PARD3: variants seen among roughly 807,000 people sequenced by gnomAD.
PARD3 encodes par-3 family cell polarity regulator, also known as partitioning defective 3 homolog.
Under a neutral mutation model 155.4 loss-of-function variants are expected in PARD3, and 75 were observed. The ratio of observed to expected loss-of-function variants is 0.48; its 90% CI spans 0.40 to 0.58. The LOEUF is 0.58. Ranked by LOEUF, PARD3 falls within the 20% of genes least tolerant of loss-of-function variation. The probability of loss-of-function intolerance (pLI) is 0.00; values close to 1 mark genes in which losing one functional copy is unlikely to be tolerated. For missense variants in PARD3, 1,642 were observed against 1,721.7 expected (o/e 0.95, Z 0.82); for synonymous variants, 576 against 610.5 (o/e 0.94, Z 0.83).
intron 14 of PARD3, among the ~76,000 whole-genome samples, chr10:34,355,692 G>C (rs1838725091): frequency 6.6e-6 from 1 of 152,008 alleles, no homozygotes; most frequent in Non-Finnish European, 1.5e-5. Context: ...ACTTTGGGAG[G>C]CCAATGTGGG....
At chr10:34,599,040 A>G (rs1054146438) in intron 2 of PARD3, among the ~76,000 whole-genome samples, 2 of 151,978 alleles carry the variant, frequency 1.3e-5, no homozygotes, top group Admixed American at 1.3e-4. Flanking sequence ...AACTGACCCA[A>G]TCAACACAAG....
At chr10:34,416,087 G>A (rs1311058228) in intron 5 of PARD3, among the ~76,000 whole-genome samples, 1 of 152,108 alleles carries the variant, frequency 6.6e-6, no homozygotes, top group Non-Finnish European at 1.5e-5. Flanking sequence ...ATCAATCCAC[G>A]AAGTCTACGT....
chr10:34,810,871 G>A (rs7342064), intron 1 of PARD3, among the ~76,000 whole-genome samples: 48,970 of 151,862 alleles, frequency 0.32, 8,365 homozygotes, highest in African/African-American at 0.44. Flanking sequence ...ATGGGGCTCC[G>A]TAGGGTTGGT....
chr10:34,574,360 C>G (rs1353633373), intron 2 of PARD3, among the ~76,000 whole-genome samples: 1 of 152,198 alleles, frequency 6.6e-6, no homozygotes, highest in Non-Finnish European at 1.5e-5. Context: ...GCATTCTGAT[C>G]TGACCATCAC....
chr10:34,583,663 C>G (rs12260304), intron 2 of PARD3, among the ~76,000 whole-genome samples: 5 of 152,174 alleles, frequency 3.3e-5, no homozygotes, highest in African/African-American at 1.2e-4. Context: ...AATGAGGAAA[C>G]CTTATCTTCC....
In PARD3 at chr10:34,733,458, AC is replaced by A. The variant is rs368316978; in HGVS notation, c.121-37040del. On this transcript the variant is annotated intron_variant, in intron 1 of 24. Transcript: ENST00000374788. ...AAGAAAAATTATTCAGCTTAAAAAA[AC>A]AACTAGTGACAAACATGATTAGAGT... is the stretch of plus-strand genomic sequence containing the variant. Among the ~76,000 whole-genome samples, 278 of 152,332 alleles carry A rather than the reference AC, an allele frequency of 1.8e-3. 2 individuals are homozygous for A. The highest frequency in any genetic ancestry group is 0.017 in the Middle Eastern group (5 of 294).
At chr10:34,585,527 CT>C (rs371759278) in intron 2 of PARD3, among the ~76,000 whole-genome samples, 103 of 145,232 alleles carry the variant, frequency 7.1e-4, no homozygotes, top group African/African-American at 2.1e-3. Flanking sequence ...TCTAATTTTT[CT>C]TTTTTTTTCT....
chr10:34,528,748 C>A (rs2082641295), intron 2 of PARD3, among the ~76,000 whole-genome samples: 1 of 152,136 alleles, frequency 6.6e-6, no homozygotes, highest in Admixed American at 6.5e-5. Flanking sequence ...CATTAACACA[C>A]AGCAGTTTAA....
intron 22 of PARD3, among the ~76,000 whole-genome samples, chr10:34,267,855 C>T (rs1955402889): frequency 6.6e-6 from 1 of 152,094 alleles, no homozygotes; most frequent in Admixed American, 6.6e-5. Flanking sequence ...CCTACTGAAT[C>T]AAAATTTGGG....
At chr10:34,808,841 G>A (rs184935295) in intron 1 of PARD3, among the ~76,000 whole-genome samples, 8 of 150,422 alleles carry the variant, frequency 5.3e-5, no homozygotes, top group African/African-American at 1.8e-4. Context: ...CTTCACATCC[G>A]CCAGATTCTC....
intron 22 of PARD3, among the ~76,000 whole-genome samples, chr10:34,190,212 C>T (rs1950647010): frequency 6.6e-6 from 1 of 152,166 alleles, no homozygotes. Flanking sequence ...AGAAAAATAT[C>T]TGCAATTAGA....
chr10:34,585,431 AAACT>A (rs2087919288), intron 2 of PARD3, among the ~76,000 whole-genome samples: 1 of 152,210 alleles, frequency 6.6e-6, no homozygotes, highest in Non-Finnish European at 1.5e-5. Context: ...AACTGAAATT[AAACT>A]AACAATGTTA....
intron 1 of PARD3, among the ~76,000 whole-genome samples, chr10:34,707,599 A>C (rs1350533449): frequency 1.3e-5 from 2 of 152,202 alleles, no homozygotes; most frequent in African/African-American, 4.8e-5. Flanking sequence ...TCTTCTATAC[A>C]CTACGTTTTA....
intron 5 of PARD3, among the ~76,000 whole-genome samples, chr10:34,441,800 AT>A (rs2076478076): frequency 6.6e-6 from 1 of 152,150 alleles, no homozygotes; most frequent in Admixed American, 6.5e-5. Flanking sequence ...TTAAAAAATA[AT>A]TTTAACACGT....
intron 22 of PARD3, among the ~76,000 whole-genome samples, chr10:34,155,621 A>AG (rs1351447383): frequency 5.3e-5 from 8 of 149,822 alleles, no homozygotes; most frequent in Non-Finnish European, 8.9e-5. Flanking sequence ...TGCTTTTCAC[A>AG]GCTTTTTTTT....
rs772283682 is a variant in PARD3 at position 34,111,422 on chromosome 10, T to C, written c.3809A>G (p.His1270Arg). The C allele has an allele frequency of 5.5e-5, 89 of 1,614,078 alleles. No individual in the cohort carries two copies. In the Admixed American group the frequency reaches 1.3e-3, roughly 24 times the overall value. Residue 1270 changes from histidine (H) to arginine (R), a missense_variant, in exon 25 of 25, where the codon CAT (histidine) becomes CGT (arginine). His to Arg is a conservative substitution (Grantham distance 29). Coordinates refer to ENST00000374788, the MANE Select transcript of PARD3 (RefSeq NM_001184785.2). ...CAGCATGACCCTGGCGTTGAAGCCA[T>C]GTCCTCCCAGGTAGCCGTTCCTGGA... ...QGSRNGYLGG[H>R]GFNARVMLET...
chr10:34,656,478 A>G (rs927130641), intron 2 of PARD3, among the ~76,000 whole-genome samples: 3 of 152,218 alleles, frequency 2.0e-5, no homozygotes, highest in Non-Finnish European at 4.4e-5. Context: ...CGAGGGTAGC[A>G]TAATTATTAC....
chr10:34,111,616 G>T (rs758059298), intron 24 of PARD3, 54 bp from the exon 25 acceptor site: 71 of 1,432,264 alleles, frequency 5.0e-5, no homozygotes, highest in Non-Finnish European at 6.1e-5. Context: ...GAGGGAGAGG[G>T]AGGAAAGGGG....
intron 3 of PARD3, among the ~76,000 whole-genome samples, chr10:34,474,527 T>C (rs1405100671): frequency 2.6e-5 from 4 of 152,232 alleles, no homozygotes; most frequent in Non-Finnish European, 5.9e-5. Context: ...GCACAAAGTT[T>C]AGTAACAGTG....
Sources: gnomAD v4.1 joint callset for allele counts (sites outside exome capture counted in the v4.1 genomes callset) on GRCh38, gnomAD v4.1.1 for gene constraint, MANE v1.5 for transcripts, NCBI Gene and HGNC (gene_info 2026-07-23, HGNC 2026-07-21) for gene names.